The following DIP2B variants were observed in gnomAD, a reference collection of about 807,000 sequenced individuals.
The protein encoded by DIP2B is disco-interacting protein 2 homolog B.
DIP2B carries 76 observed loss-of-function variants against 198.0 expected under a neutral mutation model. That is an observed-to-expected ratio of 0.38 (90% CI 0.32 to 0.46). The LOEUF is 0.46. DIP2B is among the 20% of genes least tolerant of loss of function. The pLI, the probability that DIP2B is intolerant of heterozygous loss-of-function variation, is 0.99. For synonymous variants in DIP2B, 701 were observed against 739.1 expected, an observed-to-expected ratio of 0.95 and a Z score of 0.84; for missense variants, 1,559 against 1,978.4, an observed-to-expected ratio of 0.79 and a Z score of 4.02.
chr12:50,599,094 A>C (rs1264078360), intron 1 of DIP2B, among the ~76,000 whole-genome samples: 4 of 145,738 alleles, frequency 2.7e-5, no homozygotes, highest in African/African-American at 1.0e-4. Context: ...GTTCAAGACC[A>C]GCCTGGGCGA....
intron 10 of DIP2B, among the ~76,000 whole-genome samples, chr12:50,683,743 A>G (rs1346671522): frequency 1.3e-5 from 2 of 152,116 alleles, no homozygotes. Context: ...AGATCGCGCT[A>G]TTGCACTCCA....
intron 28 of DIP2B, among the ~76,000 whole-genome samples, chr12:50,727,003 A>G (rs2139593194): frequency 6.6e-6 from 1 of 152,242 alleles, no homozygotes. Flanking sequence ...CTGTAGTCCC[A>G]GCTGCTCAGG....
chr12:50,661,973 T>G (rs1196097927), intron 4 of DIP2B, among the ~76,000 whole-genome samples: 3 of 152,194 alleles, frequency 2.0e-5, no homozygotes, highest in African/African-American at 7.2e-5. Context: ...AGTCACTGCC[T>G]GAGGGGAATT....
intron 1 of DIP2B, among the ~76,000 whole-genome samples, chr12:50,566,750 A>G (rs1958566888): frequency 6.6e-6 from 1 of 152,132 alleles, no homozygotes; most frequent in African/African-American, 2.4e-5. Context: ...TGGGCAGATC[A>G]CAAGGTCAGG....
intron 1 of DIP2B, among the ~76,000 whole-genome samples, chr12:50,608,056 A>G (rs1958999273): frequency 6.6e-6 from 1 of 152,120 alleles, no homozygotes; most frequent in East Asian, 1.9e-4. Flanking sequence ...GGCTCCCAAA[A>G]TGTTGGGATT....
intron 12 of DIP2B, among the ~76,000 whole-genome samples, chr12:50,688,364 CAGAT>C (rs796287391): frequency 1.3e-4 from 20 of 152,206 alleles, no homozygotes; most frequent in Non-Finnish European, 2.5e-4. Flanking sequence ...AAAAGACAGA[CAGAT>C]AGGCCAGGTA....
At chr12:50,535,364 G>C (rs1958254123) in intron 1 of DIP2B, among the ~76,000 whole-genome samples, 1 of 147,414 alleles carries the variant, frequency 6.8e-6, no homozygotes, top group African/African-American at 2.4e-5. Context: ...CCAGGAATCA[G>C]GAAATTTTTT....
In DIP2B at chr12:50,612,982, G is replaced by A. The variant is rs114181535; in HGVS notation, c.101-12994G>A. Among the ~76,000 whole-genome samples the A allele has an allele frequency of 2.4e-3, 360 of 152,228 alleles. 2 individuals carry two copies. The highest frequency in any genetic ancestry group is 8.1e-3 in the African/African-American group (336 of 41,532). ...ATAACTAAAAACATTCTGTTCTCCC[G>A]TCTCCCTTGACTCTCAGCACTGCCT... is the stretch of plus-strand genomic sequence containing the variant. On this transcript the variant is annotated intron_variant, in intron 1 of 37. Transcript: ENST00000301180.
chr12:50,507,934 G>C (rs1957982680), intron 1 of DIP2B, among the ~76,000 whole-genome samples: 1 of 151,166 alleles, frequency 6.6e-6, no homozygotes, highest in African/African-American at 2.4e-5. Flanking sequence ...TTAAGGTTCA[G>C]CCTGTCATTG....
intron 1 of DIP2B, among the ~76,000 whole-genome samples, chr12:50,524,655 A>T (rs1226128722): frequency 6.6e-6 from 1 of 152,196 alleles, no homozygotes; most frequent in East Asian, 1.9e-4. Context: ...GCAGTGATTA[A>T]CATGACAAAC....
intron 1 of DIP2B, among the ~76,000 whole-genome samples, chr12:50,595,791 T>G (rs1173331353): frequency 6.6e-6 from 1 of 152,194 alleles, no homozygotes; most frequent in South Asian, 2.1e-4. Context: ...AAGTAAAATC[T>G]CCCATGGACT....
At chr12:50,660,396 T>C in intron 4 of DIP2B, 77 bp downstream of exon 4, 1 of 1,440,210 alleles carries the variant, frequency 6.9e-7, no homozygotes. Context: ...TTTTCTTTTC[T>C]GAGGTAAGAA....
At chr12:50,716,302 A>T (rs1021905427) in intron 23 of DIP2B, among the ~76,000 whole-genome samples, 1 of 152,170 alleles carries the variant, frequency 6.6e-6, no homozygotes, top group African/African-American at 2.4e-5. Flanking sequence ...ACCAATTGGA[A>T]TACTTTATCT....
intron 1 of DIP2B, among the ~76,000 whole-genome samples, chr12:50,561,839 C>T (rs1958521873): frequency 6.6e-6 from 1 of 152,160 alleles, no homozygotes; most frequent in African/African-American, 2.4e-5. Flanking sequence ...GAACTTCTGG[C>T]CTCAAGTGAT....
chr12:50,557,569 G>A (rs1958482370), intron 1 of DIP2B, among the ~76,000 whole-genome samples: 1 of 152,234 alleles, frequency 6.6e-6, no homozygotes, highest in African/African-American at 2.4e-5. Context: ...AGTGGATGAT[G>A]GTGGCTGCCA....
chr12:50,580,440 C>T (rs1268470147), intron 1 of DIP2B, among the ~76,000 whole-genome samples: 1 of 148,550 alleles, frequency 6.7e-6, no homozygotes, highest in Non-Finnish European at 1.5e-5. Flanking sequence ...ATAAAAATAG[C>T]CAAGAATGGT....
At chr12:50,516,395 C>T (rs1958065554) in intron 1 of DIP2B, among the ~76,000 whole-genome samples, 1 of 152,130 alleles carries the variant, frequency 6.6e-6, no homozygotes, top group African/African-American at 2.4e-5. Context: ...GCTGGGATTA[C>T]AGGCGTGTGC....
intron 3 of DIP2B, chr12:50,655,080 T>C: frequency 2.3e-6 from 1 of 430,158 alleles, no homozygotes; most frequent in Non-Finnish European, 4.6e-6. Flanking sequence ...TGCAGGAGGC[T>C]ATTTGTTGCA....
intron 28 of DIP2B, 127 bp from the exon 29 acceptor site, chr12:50,727,576 A>C (rs1350845732): frequency 2.5e-6 from 2 of 791,676 alleles, no homozygotes; most frequent in African/African-American, 3.4e-5. Context: ...TACTTGGTTA[A>C]ATATGAGAGG....
Sources: allele counts gnomAD v4.1 joint callset (sites outside exome capture counted in the v4.1 genomes callset), GRCh38; gene constraint gnomAD v4.1.1; transcripts MANE v1.5; gene names NCBI Gene and HGNC (gene_info 2026-07-23, HGNC 2026-07-21).